Variants in ODAD3 observed in about 807,000 individuals in gnomAD.
ODAD3 encodes the protein outer dynein arm-docking complex subunit 3.
In ODAD3, 57 loss-of-function variants were observed where a neutral mutation model predicts 70.9. The ratio of observed to expected loss-of-function variants is 0.80; its 90% CI spans 0.65 to 1.00. The LOEUF (loss-of-function observed/expected upper bound fraction) is 1.00, where lower values mean the gene tolerates loss of function less well. Among genes scored for constraint, ODAD3 ranks in the 50% least tolerant of loss-of-function variants. The pLI is 0.00. For missense variants in ODAD3, 797 were observed against 763.9 expected (o/e 1.04, Z -0.51); for synonymous variants, 327 against 315.9 (o/e 1.04, Z -0.37).
chr19:11,435,136 A>G (rs1368223600), upstream of ODAD3: 5 of 1,455,808 alleles, frequency 3.4e-6, no homozygotes, highest in Non-Finnish European at 4.5e-6. Context: ...TCCGACCGCT[A>G]GGTGGTTGCG....
chr19:11,435,340 T>C, upstream of ODAD3: 1 of 571,720 alleles, frequency 1.7e-6, no homozygotes, highest in Non-Finnish European at 2.8e-6. Context: ...ACGTGCTCAT[T>C]CCGTTTCCCT....
intron 5 of ODAD3, 23 bp downstream of exon 5, chr19:11,426,660 A>C (rs1281112972): frequency 9.9e-6 from 16 of 1,613,160 alleles, no homozygotes; most frequent in Non-Finnish European, 1.4e-5. Flanking sequence ...TTGTCATCTC[A>C]CCCGAGCCCT....
At position 11,423,621 on chromosome 19, in the gene ODAD3, G is replaced by GA. The variant is rs139750830; in HGVS notation, c.1116+255dup. Among the ~76,000 whole-genome samples, 2,970 of 152,268 alleles carry GA rather than the reference G, an allele frequency of 0.02. 102 individuals carry two copies. Among genetic ancestry groups the GA allele is most frequent in the African/African-American group, 0.068 (2,824 of 41,532 alleles). On this transcript the variant is annotated intron_variant, in intron 8 of 12. Coordinates refer to ENST00000356392, the MANE Select transcript of ODAD3 (RefSeq NM_145045.5). ...AAAGGAGTTAGCATGGTGCAAGAGA[G>GA]AACGGAAGGCGAGTGTAGAAATGAC...
In ODAD3 at chr19:11,421,170, G is replaced by A. The variant is rs763143668; in HGVS notation, c.1633C>T (p.Arg545Cys). The A allele has an allele frequency of 2.5e-6, 4 of 1,613,644 alleles. No individual in the cohort carries two copies. The highest frequency in any genetic ancestry group is 3.4e-6 in the Non-Finnish European group (4 of 1,179,924). The change falls in exon 12 of 13, where the codon CGC becomes TGC. Residue 545 changes from arginine (R) to cysteine (C), a missense_variant. Transcript: ENST00000356392. ...GAAGTGGCAAGGGGCAGGGCGATGC[G>A]GGTGTTGTATTCGGGCAGCCTTCCC... ...LEGRLPEYNT[R>C]IALPLATSKD...
Position 11,426,764 on chromosome 19 carries a change from G to A in ODAD3, c.633C>T (p.Asn211=). ...CCTTCATCTGGGCCTTCTCCAGGCG[G>A]TTCTCCAGGTTCCGCATGGTCTGGA... ...EVAKTMRNLE[N]RLEKAQMKAQ... is the part of the protein sequence containing the mutation. Residue 211 remains asparagine, a synonymous_variant, in exon 5 of 13, where the codon AAC becomes AAT. Transcript: ENST00000356392. 6.2e-7 allele frequency: 1 copy of A among 1,613,998 alleles called. No individual in the cohort carries two copies.
In ODAD3 at chr19:11,426,918, A is replaced by G; in HGVS notation, c.567T>C (p.Leu189=). The G allele has an allele frequency of 6.2e-7, 1 of 1,609,938 alleles. No individual in the cohort carries two copies. Among genetic ancestry groups the G allele is most frequent in the East Asian group, 2.2e-5 (1 of 44,812 alleles). ...EELQLQHSLR[L]LEMAEAQNRH... is the part of the protein sequence containing the mutation. Reference sequence around the variant, plus strand: ...TGTTTTGCGCCTCCGCCATCTCCAGAAGGCGCAGGCTGTGCTGCAGCTGGA... The same window carrying G: ...TGTTTTGCGCCTCCGCCATCTCCAGGAGGCGCAGGCTGTGCTGCAGCTGGA... The change falls in exon 4 of 13, where the codon CTT becomes CTC. Residue 189 remains leucine (L), a synonymous_variant. Transcript: ENST00000356392.
intron 3 of ODAD3, among the ~76,000 whole-genome samples, chr19:11,429,228 T>C (rs955001790): frequency 4.0e-5 from 6 of 151,634 alleles, no homozygotes; most frequent in African/African-American, 7.3e-5. Context: ...TTTGTTTTTT[T>C]GAGACAGAGT....
At chr19:11,425,362 CATATGTGTAT>C (rs1301578792) in intron 7 of ODAD3, among the ~76,000 whole-genome samples, 13 of 102,270 alleles carry the variant, frequency 1.3e-4, no homozygotes, top group South Asian at 1.2e-3. Context: ...TGTATATGTA[CATATGTGTAT>C]ATATGTGTGT....
At chr19:11,424,651 CTATGTGTATATATGTATA>C (rs1969230441) in intron 7 of ODAD3, among the ~76,000 whole-genome samples, 2 of 75,190 alleles carry the variant, frequency 2.7e-5, no homozygotes, top group Non-Finnish European at 4.5e-5. Context: ...GTATATATAC[CTATGTGTATATATGTATA>C]TATGTGTATA....
chr19:11,425,351 G>GTACAAA (rs1299315762), intron 7 of ODAD3, among the ~76,000 whole-genome samples: 1 of 133,500 alleles, frequency 7.5e-6, no homozygotes, highest in African/African-American at 3.0e-5. Context: ...ATGTATATAT[G>GTACAAA]TGTATATGTA....
chr19:11,421,588 G>A (rs1969135497), intron 11 of ODAD3, 89 bp downstream of exon 11: 2 of 1,475,028 alleles, frequency 1.4e-6, no homozygotes, highest in Admixed American at 4.1e-5. Context: ...CCTGCAATCT[G>A]GTCTCCCGAA....
rs1969366456 is a variant in ODAD3 at position 11,426,133 on chromosome 19, G to C, written c.963+11C>G. On this transcript the variant is annotated intron_variant, in intron 7 of 12. Transcript: ENST00000356392. ...CTGGAGTCACAGGCGCGCACCCCTG[G>C]GTGCGCCCACCTTGCGCTCCATGCG... The C allele has an allele frequency of 2.5e-6, 4 of 1,603,144 alleles. No homozygotes were observed. In the East Asian group the frequency reaches 9.0e-5, roughly 36 times the overall value.
intron 3 of ODAD3, among the ~76,000 whole-genome samples, chr19:11,430,027 G>C (rs1346401703): frequency 6.6e-6 from 1 of 151,972 alleles, no homozygotes; most frequent in African/African-American, 2.4e-5. Flanking sequence ...TTGAGACTGA[G>C]TCTCACTCTG....
rs1452921677 is a variant in ODAD3, at chr19:11,434,914, T to G, written c.103A>C (p.Lys35Gln). 12 of 1,614,034 alleles carry G rather than the reference T, an allele frequency of 7.4e-6. No homozygotes were observed. The Admixed American group carries it at 2.0e-4, about 27-fold the overall frequency. Reference sequence around the variant, plus strand: ...CCCTTGCCTCGGAGGTGGCTGGGTTTGCCCGAAGCCTCCCTGCCCTTGACC... The same window carrying G: ...CCCTTGCCTCGGAGGTGGCTGGGTTGGCCCGAAGCCTCCCTGCCCTTGACC... ...SRVKGREASGKPSHLRGKGTA... is the reference protein window; with the variant it reads ...SRVKGREASGQPSHLRGKGTA... The change falls in exon 1 of 13, where the codon AAA becomes CAA. Residue 35 changes from lysine to glutamine, a missense_variant. Transcript: ENST00000356392.
At position 11,420,801 on chromosome 19, in the gene ODAD3, C is replaced by A. The variant is rs772812620; in HGVS notation, c.*34G>T. ...CTAGACCCGGAGGGATCGGGGGCTC[C>A]GAAGGGGGCCGCCTGGTGGGTGTCA... On this transcript the variant is annotated 3_prime_UTR_variant, in exon 13 of 13. Coordinates refer to ENST00000356392, the MANE Select transcript of ODAD3 (RefSeq NM_145045.5). 1 of 1,584,580 alleles carries A rather than the reference C, an allele frequency of 6.3e-7. No individual in the cohort carries two copies. Among genetic ancestry groups the A allele is most frequent in the African/African-American group, 1.3e-5 (1 of 74,302 alleles).
chr19:11,425,055 G>GCATATATACATATGTGTA (rs1969262564), intron 7 of ODAD3, among the ~76,000 whole-genome samples: 1 of 113,658 alleles, frequency 8.8e-6, no homozygotes, highest in South Asian at 2.5e-4. Context: ...GTATATATGT[G>GCATATATACATATGTGTA]TATATGTGTA....
At chr19:11,427,109 C>A (rs751193034) in intron 3 of ODAD3, 69 bp from the exon 4 acceptor site, 3 of 1,439,986 alleles carry the variant, frequency 2.1e-6, no homozygotes, top group Non-Finnish European at 2.7e-6. Context: ...AGCCCTTCCT[C>A]CCTTCCTTCT....
At position 11,426,052 on chromosome 19, in the gene ODAD3, G is replaced by T. The variant is rs145618703; in HGVS notation, c.963+92C>A. On this transcript the variant is annotated intron_variant, in intron 7 of 12. Transcript: ENST00000356392. Reference sequence around the variant, plus strand: ...GCGGGGTTAGGAGAAACAGAAAATGGGAGAAGGCCTAGGATGAGGGAGAGC... The same window carrying T: ...GCGGGGTTAGGAGAAACAGAAAATGTGAGAAGGCCTAGGATGAGGGAGAGC... The T allele has an allele frequency of 7.2e-3, 10,644 of 1,478,510 alleles. 54 individuals are homozygous for T. The highest frequency in any genetic ancestry group is 0.011 in the South Asian group (857 of 77,874). 91.6% of individuals were successfully genotyped at this position (1,478,510 alleles called of 1,614,324 possible).
upstream of ODAD3, chr19:11,435,670 G>A (rs954637749): frequency 3.1e-6 from 4 of 1,300,260 alleles, no homozygotes; most frequent in East Asian, 5.4e-5. Flanking sequence ...CTGGACAAGA[G>A]GGGTGCGGTG....
Sources: allele counts gnomAD v4.1 joint callset (sites outside exome capture counted in the v4.1 genomes callset), GRCh38; gene constraint gnomAD v4.1.1; transcripts MANE v1.5; gene names NCBI Gene and HGNC (gene_info 2026-07-23, HGNC 2026-07-21).